DIS3L2: variants seen among roughly 807,000 people sequenced by gnomAD.
DIS3L2 encodes DIS3-like exonuclease 2.
In DIS3L2, 34 loss-of-function variants were observed where a neutral mutation model predicts 97.5. The observed-to-expected ratio is 0.35, with a 90% CI of 0.27 to 0.46. The LOEUF (loss-of-function observed/expected upper bound fraction) is 0.46, where lower values mean the gene tolerates loss of function less well. DIS3L2 is among the 20% of genes least tolerant of loss of function. The pLI is 1.00. For missense variants in DIS3L2, 1,038 were observed against 1,146.0 expected (o/e 0.91, Z 1.36); for synonymous variants, 435 against 445.2 (o/e 0.98, Z 0.29).
chr2:232,141,939 A>G (rs542679396), intron 8 of DIS3L2, among the ~76,000 whole-genome samples: 85 of 152,332 alleles, frequency 5.6e-4, no homozygotes, highest in African/African-American at 1.9e-3. Context: ...TTAAACCATG[A>G]CTAGATTGAT....
intron 4 of DIS3L2, 30 bp downstream of exon 4, chr2:232,024,360 A>G (rs1694602299): frequency 6.5e-7 from 1 of 1,529,172 alleles, no homozygotes; most frequent in East Asian, 2.3e-5. Flanking sequence ...AATAAACTTT[A>G]TGTCACATTT....
At chr2:232,257,202 A>G (rs943085169) in intron 12 of DIS3L2, among the ~76,000 whole-genome samples, 1 of 152,142 alleles carries the variant, frequency 6.6e-6, no homozygotes, top group Non-Finnish European at 1.5e-5. Flanking sequence ...AGCTTTGCTT[A>G]GTGATGATGG....
At chr2:232,215,137 T>C (rs1463068913) in intron 10 of DIS3L2, among the ~76,000 whole-genome samples, 3 of 152,222 alleles carry the variant, frequency 2.0e-5, no homozygotes, top group African/African-American at 7.2e-5. Flanking sequence ...CCACTTATCC[T>C]TGAGGCTTTC....
At chr2:231,962,106 C>T (rs1692574876) in intron 1 of DIS3L2, among the ~76,000 whole-genome samples, 1 of 152,118 alleles carries the variant, frequency 6.6e-6, no homozygotes, top group Non-Finnish European at 1.5e-5. Flanking sequence ...CCTCCCGAGG[C>T]TCGGGTCACC....
chr2:232,282,049 GCAGGAGGAAAC>G (rs1395065780), intron 13 of DIS3L2, among the ~76,000 whole-genome samples: 1 of 150,766 alleles, frequency 6.6e-6, no homozygotes, highest in African/African-American at 2.4e-5. Flanking sequence ...CTACTGTGGA[GCAGGAGGAAAC>G]CAGCCGTCCT....
Position 232,306,775 on chromosome 2 carries a change from T to C in DIS3L2, c.1739+6656T>C, listed in dbSNP as rs927948642. 3.9e-5 allele frequency among the ~76,000 whole-genome samples: 6 copies of C among 152,328 alleles called. No homozygotes were observed. In the East Asian group the frequency reaches 9.7e-4, roughly 25 times the overall value. ...TGTGCCAGTGGAAGGGACTGGGCAC[T>C]CCTCAGCAGCAAGGCAGCCAGCCCT... On this transcript the variant is annotated intron_variant, in intron 14 of 20. Coordinates refer to ENST00000325385, the MANE Select transcript of DIS3L2 (RefSeq NM_152383.5).
chr2:232,341,088 G>A (rs942369858), downstream of DIS3L2: 2 of 375,606 alleles, frequency 5.3e-6, no homozygotes, highest in South Asian at 4.1e-5. Context: ...ACATTTCAGC[G>A]CCACTAGAGT....
At chr2:232,190,216 C>T (rs948558726) in intron 9 of DIS3L2, among the ~76,000 whole-genome samples, 1 of 151,980 alleles carries the variant, frequency 6.6e-6, no homozygotes. Flanking sequence ...GCCTGTGGTT[C>T]CCAGCTACTC....
intron 8 of DIS3L2, among the ~76,000 whole-genome samples, chr2:232,146,602 CAT>C (rs1241690835): frequency 1.3e-5 from 2 of 152,188 alleles, no homozygotes; most frequent in East Asian, 3.9e-4. Flanking sequence ...TTCTTGATGA[CAT>C]GTGACACAAA....
At chr2:232,226,372 T>A (rs1008788220) in intron 10 of DIS3L2, among the ~76,000 whole-genome samples, 3 of 151,352 alleles carry the variant, frequency 2.0e-5, no homozygotes, top group African/African-American at 7.2e-5. Flanking sequence ...TTACTGACTG[T>A]CTGACATTGG....
chr2:232,329,787 C>CCCGG, intron 14 of DIS3L2, 26 bp from the exon 15 acceptor site: 2 of 1,062,210 alleles, frequency 1.9e-6, no homozygotes, highest in Non-Finnish European at 2.6e-6. Context: ...CCCAGCGGTC[C>CCCGG]CTCCCATCCC....
At position 232,222,760 on chromosome 2, in the gene DIS3L2, C is replaced by T. The variant is rs191341179; in HGVS notation, c.1204+12355C>T. Among the ~76,000 whole-genome samples, 20 of 152,364 alleles carry T rather than the reference C, an allele frequency of 1.3e-4. No homozygotes were observed. In the East Asian group the frequency reaches 3.9e-3, roughly 29 times the overall value. The stretch of plus-strand genomic sequence containing the variant: ...GGGATTACAGGCGTGAGCCACTGCA[C>T]CCAGCTGGTGAGTGAACAATTTTAA... On this transcript the variant is annotated intron_variant, in intron 10 of 20. Coordinates refer to ENST00000325385, the MANE Select transcript of DIS3L2 (RefSeq NM_152383.5).
chr2:232,183,099 C>T (rs192142513), intron 9 of DIS3L2, among the ~76,000 whole-genome samples: 3 of 152,212 alleles, frequency 2.0e-5, no homozygotes, highest in Admixed American at 6.5e-5. Flanking sequence ...AAAGAAACCT[C>T]ACCCCTTTCA....
chr2:232,257,496 C>G (rs1693596863), intron 12 of DIS3L2, among the ~76,000 whole-genome samples: 1 of 152,196 alleles, frequency 6.6e-6, no homozygotes, highest in Non-Finnish European at 1.5e-5. Flanking sequence ...AAAATCCACT[C>G]CACCTCCCTC....
intron 14 of DIS3L2, 24 bp from the exon 15 acceptor site, chr2:232,329,786 CCCT>C: frequency 7.0e-6 from 3 of 430,236 alleles, no homozygotes; most frequent in Non-Finnish European, 8.4e-6. Flanking sequence ...CCCCAGCGGT[CCCT>C]CCCATCCCAC....
At chr2:232,091,021 C>A (rs12478546) in intron 6 of DIS3L2, among the ~76,000 whole-genome samples, 2 of 152,094 alleles carry the variant, frequency 1.3e-5, no homozygotes, top group African/African-American at 2.4e-5. Flanking sequence ...TTATCCCCAG[C>A]CCCTGAGAGA....
rs1003406926 is a variant in DIS3L2 at position 232,037,010 on chromosome 2, A to C, written c.366+6930A>C. Among the ~76,000 whole-genome samples, 3 of 152,214 alleles carry C rather than the reference A, an allele frequency of 2.0e-5. No homozygotes were observed. Among genetic ancestry groups the C allele is most frequent in the Non-Finnish European group, 4.4e-5 (3 of 68,038 alleles). On this transcript the variant is annotated intron_variant, in intron 5 of 20. Transcript: ENST00000325385. This position sits in a 1 kb window ranked among gnomAD's most constrained non-coding sequence, Gnocchi z 4.6. ...CAGGAGGCACAGGGGTCAGGGACCCACTTGAGGAGGCAATCTGAGGAGGCA... is the reference window on the plus strand; with the variant it reads ...CAGGAGGCACAGGGGTCAGGGACCCCCTTGAGGAGGCAATCTGAGGAGGCA...
At chr2:232,062,560 C>T (rs1184498976) in intron 5 of DIS3L2, among the ~76,000 whole-genome samples, 2 of 152,266 alleles carry the variant, frequency 1.3e-5, no homozygotes, top group East Asian at 3.9e-4. Context: ...GCCATTTGGA[C>T]ATGTCCTCAT....
At chr2:232,116,986 C>G (rs941165594) in intron 6 of DIS3L2, among the ~76,000 whole-genome samples, 1 of 152,148 alleles carries the variant, frequency 6.6e-6, no homozygotes, top group African/African-American at 2.4e-5. Flanking sequence ...CTGTGAAGTC[C>G]CACATCTCTG....
Sources: allele counts gnomAD v4.1 joint callset (sites outside exome capture counted in the v4.1 genomes callset), GRCh38; gene constraint gnomAD v4.1.1; non-coding constraint Gnocchi (gnomAD v3.1); transcripts MANE v1.5; gene names NCBI Gene and HGNC (gene_info 2026-07-23, HGNC 2026-07-21).